Variants in KCNJ6 observed in about 807,000 individuals in gnomAD.
KCNJ6 encodes potassium inwardly rectifying channel subfamily J member 6, also known as G protein-activated inward rectifier potassium channel 2.
In KCNJ6, 9 loss-of-function variants were observed where a neutral mutation model predicts 34.2. That is an observed-to-expected ratio of 0.26 (90% CI 0.16 to 0.46). KCNJ6 has a LOEUF of 0.46. KCNJ6 is among the 20% of genes least tolerant of loss of function. The probability of loss-of-function intolerance (pLI) is 1.00; values close to 1 mark genes in which losing one functional copy is unlikely to be tolerated. For missense variants in KCNJ6, 236 were observed against 531.3 expected (o/e 0.44, Z 5.46); for synonymous variants, 196 against 207.1 (o/e 0.95, Z 0.46).
At chr21:37,758,301 C>T (rs531621319) in intron 2 of KCNJ6, among the ~76,000 whole-genome samples, 115 of 152,148 alleles carry the variant, frequency 7.6e-4, no homozygotes, top group African/African-American at 2.6e-3. Context: ...CTGGGATCAT[C>T]GTATTTGCAT....
chr21:37,830,891 T>A (rs2055422586), intron 2 of KCNJ6, among the ~76,000 whole-genome samples: 1 of 152,232 alleles, frequency 6.6e-6, no homozygotes, highest in Non-Finnish European at 1.5e-5. Flanking sequence ...ATGCTCATTC[T>A]GGATATGGCA....
chr21:37,654,683 T>C (rs967686383), intron 3 of KCNJ6, among the ~76,000 whole-genome samples: 1 of 152,162 alleles, frequency 6.6e-6, no homozygotes, highest in South Asian at 2.1e-4. Context: ...TCTTGCTACT[T>C]CCATTTCACT....
At position 37,714,446 on chromosome 21, in the gene KCNJ6, G is replaced by C; in HGVS notation, c.711C>G (p.Ile237Met). The change falls in exon 3 of 4, where the codon ATC (isoleucine) becomes ATG (methionine). Residue 237 changes from isoleucine to methionine, a missense_variant. Physicochemically the swap from Ile to Met is conservative, Grantham distance 10. Transcript: ENST00000609713. The surrounding 1 kb of genome is among the most constrained non-coding windows in gnomAD (Gnocchi z 5.9). The part of the protein sequence containing the change: ...LRNSHIVEAS[I>M]RAKLIKSKQT... ...GTTTGGATTTGATCAACTTGGCTCT[G>C]ATGGAAGCCTCCACAATGTGGGAAT... 1 of 1,614,158 alleles carries C rather than the reference G, an allele frequency of 6.2e-7. No individual in the cohort carries two copies.
intron 2 of KCNJ6, among the ~76,000 whole-genome samples, chr21:37,786,801 G>T (rs2055194768): frequency 6.6e-6 from 1 of 152,206 alleles, no homozygotes; most frequent in Admixed American, 6.5e-5. Flanking sequence ...TGGGGCCGTT[G>T]TGAGGATTAT....
chr21:37,861,591 G>T (rs2055595146), intron 1 of KCNJ6, among the ~76,000 whole-genome samples: 1 of 152,140 alleles, frequency 6.6e-6, no homozygotes. Flanking sequence ...GACATGGTTA[G>T]CCCTGTATCT....
At chr21:37,819,185 G>A (rs2055362199) in intron 2 of KCNJ6, among the ~76,000 whole-genome samples, 1 of 152,098 alleles carries the variant, frequency 6.6e-6, no homozygotes, top group South Asian at 2.1e-4. Context: ...TCTGGCAACA[G>A]ATAGTGAATG....
At chr21:37,880,813 A>T (rs2055703920) in intron 1 of KCNJ6, among the ~76,000 whole-genome samples, 1 of 152,202 alleles carries the variant, frequency 6.6e-6, no homozygotes, top group African/African-American at 2.4e-5. Flanking sequence ...TTAGTGGAAG[A>T]CCTATTGACA....
intron 1 of KCNJ6, among the ~76,000 whole-genome samples, chr21:37,882,476 G>T (rs1312141038): frequency 1.3e-5 from 2 of 152,184 alleles, no homozygotes; most frequent in African/African-American, 4.8e-5. Flanking sequence ...ACTCTTCAAT[G>T]CTCCTTTATG....
intron 3 of KCNJ6, among the ~76,000 whole-genome samples, chr21:37,691,523 A>G (rs1383309022): frequency 6.6e-6 from 1 of 152,236 alleles, no homozygotes; most frequent in East Asian, 1.9e-4. Context: ...GAATGGGAGC[A>G]TCAGCTGAGA....
chr21:37,626,292 G>A (rs907221606), intron 3 of KCNJ6, among the ~76,000 whole-genome samples: 1 of 152,076 alleles, frequency 6.6e-6, no homozygotes, highest in Admixed American at 6.5e-5. Context: ...CGCCATGTCC[G>A]ACTAATTTTT....
chr21:37,740,360 C>T (rs529712987), intron 2 of KCNJ6, among the ~76,000 whole-genome samples: 37 of 152,280 alleles, frequency 2.4e-4, no homozygotes, highest in African/African-American at 8.7e-4. Flanking sequence ...CTGGAGGCTT[C>T]AGCTGCATGA....
intron 3 of KCNJ6, among the ~76,000 whole-genome samples, chr21:37,633,060 T>TA (rs2054340965): frequency 6.6e-6 from 1 of 152,130 alleles, no homozygotes; most frequent in African/African-American, 2.4e-5. Flanking sequence ...CACAAGCCCA[T>TA]ATTATTCACT....
At chr21:37,912,009 T>C (rs566747742) in intron 1 of KCNJ6, among the ~76,000 whole-genome samples, 1 of 152,320 alleles carries the variant, frequency 6.6e-6, no homozygotes, top group African/African-American at 2.4e-5. Context: ...AAAGCCCTTC[T>C]ATATTCTCAA....
rs2054290057 is a variant in KCNJ6, at chr21:37,621,585, A to G, written c.*3574T>C. 1 of 152,266 alleles carries G rather than the reference A, an allele frequency of 6.6e-6. No homozygotes were observed. Among genetic ancestry groups the G allele is most frequent in the Admixed American group, 6.5e-5 (1 of 15,288 alleles). 9.4% of individuals were successfully genotyped at this position (152,266 alleles called of 1,614,324 possible). The stretch of plus-strand genomic sequence containing the variant: ...TAAATTGGAGTGCAGTGAAAAATAG[A>G]CATTTCAGAGCCCTAGCTTGGTTAG... On this transcript the variant is annotated 3_prime_UTR_variant, in exon 4 of 4. Coordinates refer to ENST00000609713, the MANE Select transcript of KCNJ6 (RefSeq NM_002240.5).
intron 2 of KCNJ6, among the ~76,000 whole-genome samples, chr21:37,768,000 CAT>C: frequency 6.6e-6 from 1 of 151,774 alleles, no homozygotes; most frequent in East Asian, 1.9e-4. Flanking sequence ...TCTTTTTAGA[CAT>C]GTGGGCTTTC....
In KCNJ6 at chr21:37,853,846, G is replaced by GTGTATATATATATATATATA. The variant is rs71198897; in HGVS notation, c.-27-13138_-27-13137insTATATATATATATATATACA. 4.2e-3 allele frequency among the ~76,000 whole-genome samples: 490 copies of GTGTATATATATATATATATA among 115,926 alleles called. 12 individuals carry two copies. The highest frequency in any genetic ancestry group is 0.028 in the Middle Eastern group (6 of 216). 76.1% of individuals were successfully genotyped at this position (115,926 alleles called of 152,430 possible). A position where few individuals can be genotyped will look rare whatever the true frequency, so the allele number is the denominator to read the frequency against. ...GTAGTTAAGAGATACATATATATAT[G>GTGTATATATATATATATATA]TATATATATATATATAAATTACATT... is the stretch of plus-strand genomic sequence containing the variant. On this transcript the variant is annotated intron_variant, in intron 1 of 3. Transcript: ENST00000609713.
rs2054777640 is a variant in KCNJ6 at position 37,714,174 on chromosome 21, C to G, written c.946+37G>C. 1.4e-6 allele frequency: 2 copies of G among 1,442,634 alleles called. No individual in the cohort carries two copies. Among genetic ancestry groups the G allele is most frequent in the Non-Finnish European group, 1.9e-6 (2 of 1,037,984 alleles). 89.4% of individuals were successfully genotyped at this position (1,442,634 alleles called of 1,614,324 possible). ...ATCAGGTCCAGTTTAAAATGAGCATCTATCCCACAGCCATCCCAGGATAGA... is the reference window on the plus strand; with the variant it reads ...ATCAGGTCCAGTTTAAAATGAGCATGTATCCCACAGCCATCCCAGGATAGA... On this transcript the variant is annotated intron_variant, in intron 3 of 3. Coordinates refer to ENST00000609713, the MANE Select transcript of KCNJ6 (RefSeq NM_002240.5). This position sits in a 1 kb window ranked among gnomAD's most constrained non-coding sequence, Gnocchi z 5.9.
intron 2 of KCNJ6, among the ~76,000 whole-genome samples, chr21:37,769,551 T>A (rs2055108143): frequency 6.6e-6 from 1 of 151,786 alleles, no homozygotes; most frequent in Non-Finnish European, 1.5e-5. Context: ...CACACCCTAA[T>A]ATCTTATCTC....
At chr21:37,869,636 A>G (rs1218181716) in intron 1 of KCNJ6, among the ~76,000 whole-genome samples, 3 of 152,246 alleles carry the variant, frequency 2.0e-5, no homozygotes, top group African/African-American at 7.2e-5. Flanking sequence ...TGAAGGAAGT[A>G]GACAGGTTCT....
Sources: allele counts gnomAD v4.1 joint callset (sites outside exome capture counted in the v4.1 genomes callset), GRCh38; gene constraint gnomAD v4.1.1; non-coding constraint Gnocchi (gnomAD v3.1); transcripts MANE v1.5; gene names NCBI Gene and HGNC (gene_info 2026-07-23, HGNC 2026-07-21).